SMYD4: variants seen among roughly 807,000 people sequenced by gnomAD.
SMYD4 encodes the protein protein-lysine N-methyltransferase SMYD4.
SMYD4 carries 68 observed loss-of-function variants against 72.8 expected under a neutral mutation model. The ratio of observed to expected loss-of-function variants is 0.93; its 90% CI spans 0.77 to 1.14. The LOEUF is 1.14. Among genes scored for constraint, SMYD4 ranks in the 50% most tolerant of loss-of-function variants. The probability of loss-of-function intolerance (pLI) is 0.00; values close to 1 mark genes in which losing one functional copy is unlikely to be tolerated. For synonymous variants in SMYD4, 407 were observed against 388.6 expected (o/e 1.05, Z -0.56); for missense variants, 984 against 1,003.7 (o/e 0.98, Z 0.27).
Position 1,827,502 on chromosome 17 carries a change from G to T in SMYD4, c.134+359C>A, listed in dbSNP as rs141535455. Among the ~76,000 whole-genome samples, 294 of 152,288 alleles carry T rather than the reference G, an allele frequency of 1.9e-3. 1 individual carries two copies. In the Middle Eastern group the frequency reaches 0.02, roughly 11 times the overall value. ...TTGTAAATGTACAAAGAGTGAAGAT[G>T]GCCCAGCTGAGGCTCAGGGAGAGCT... is the stretch of plus-strand genomic sequence containing the variant. On this transcript the variant is annotated intron_variant, in intron 2 of 10. Transcript: ENST00000305513.
At chr17:1,824,696 T>A (rs540652254) in intron 2 of SMYD4, among the ~76,000 whole-genome samples, 1 of 152,176 alleles carries the variant, frequency 6.6e-6, no homozygotes, top group Admixed American at 6.6e-5. Flanking sequence ...CTCAGCGCAC[T>A]GCACCCTCCG....
chr17:1,782,963 G>A (rs1329462422), intron 10 of SMYD4, 72 bp downstream of exon 10: 2 of 1,549,852 alleles, frequency 1.3e-6, no homozygotes, highest in Admixed American at 4.4e-5. Flanking sequence ...AAACACCATA[G>A]AAAAAAAGTA....
chr17:1,794,857 G>A (rs536650892), intron 5 of SMYD4, among the ~76,000 whole-genome samples: 1 of 152,078 alleles, frequency 6.6e-6, no homozygotes, highest in Admixed American at 6.6e-5. Context: ...GGTTAATGCA[G>A]GAAACTCAAA....
chr17:1,800,100 T>C lies in SMYD4; in HGVS notation c.1294A>G (p.Thr432Ala). Reference sequence around the variant, plus strand: ...TTGTGCTCTGGGCTATGGTTTTCAGTGTGGGGCAAAAGGTTGAAGACAGCA... The same window carrying C: ...TTGTGCTCTGGGCTATGGTTTTCAGCGTGGGGCAAAAGGTTGAAGACAGCA... ...YNAVFNLLPH[T>A]ENHSPEHKFL... Residue 432 changes from threonine (T) to alanine (A), a missense_variant, in exon 5 of 11, where the codon ACT becomes GCT. Transcript: ENST00000305513. 1.2e-6 allele frequency: 2 copies of C among 1,611,238 alleles called. No homozygotes were observed. Among genetic ancestry groups the C allele is most frequent in the Non-Finnish European group, 1.7e-6 (2 of 1,178,050 alleles).
chr17:1,783,100 G>A lies in SMYD4; in HGVS notation c.2196C>T (p.Arg732=), dbSNP rs376113356. 26 of 1,614,072 alleles carry A rather than the reference G, an allele frequency of 1.6e-5. No homozygotes were observed. Among genetic ancestry groups the A allele is most frequent in the Non-Finnish European group, 2.1e-5 (25 of 1,180,044 alleles). ...LQRSLYVVEV[R]HGPSSVEMGH... ...CCATTTCAACACTGGACGGCCCGTG[G>A]CGAACCTCCACCACGTAGAGACTCC... is the stretch of plus-strand genomic sequence containing the variant. The change falls in exon 10 of 11, where the codon CGC becomes CGT. Residue 732 remains arginine (R), a synonymous_variant. Transcript: ENST00000305513.
chr17:1,798,770 C>T (rs1909540497), intron 5 of SMYD4, among the ~76,000 whole-genome samples: 3 of 152,002 alleles, frequency 2.0e-5, no homozygotes. Context: ...CATGGTGGCG[C>T]ATGCTTGTAA....
In SMYD4 at chr17:1,811,986, T is replaced by C. The variant is rs1457042801; in HGVS notation, c.264A>G (p.Ala88=). 1.2e-6 allele frequency: 2 copies of C among 1,614,144 alleles called. No homozygotes were observed. Among genetic ancestry groups the C allele is most frequent in the Non-Finnish European group, 8.5e-7 (1 of 1,180,028 alleles). ...AGTGTTTTACCTTAGAGTACAGCACTGCAGCTCCTGTGTAATCTTTCTCCT... is the reference window on the plus strand; with the variant it reads ...AGTGTTTTACCTTAGAGTACAGCACCGCAGCTCCTGTGTAATCTTTCTCCT... ...KFQEKDYTGA[A]VLYSKGVSHS... Residue 88 remains alanine (A), a synonymous_variant, in exon 3 of 11, where the codon GCA becomes GCG. Coordinates refer to ENST00000305513, the MANE Select transcript of SMYD4 (RefSeq NM_052928.3).
chr17:1,818,106 C>G (rs1910720607), intron 2 of SMYD4, among the ~76,000 whole-genome samples: 1 of 150,954 alleles, frequency 6.6e-6, no homozygotes, highest in South Asian at 2.1e-4. Context: ...GTCTCTGATC[C>G]ATTTTGAATT....
At position 1,783,437 on chromosome 17, in the gene SMYD4, G is replaced by C; in HGVS notation, c.2060C>G (p.Ala687Gly). The change falls in exon 9 of 11, where the codon GCC becomes GGC. Residue 687 changes from alanine to glycine, a missense_variant. Ala to Gly is a moderately conservative substitution (Grantham distance 60). Transcript: ENST00000305513. ...GTGCTCTGCCCACAGGAAGCTCTCG[G>C]CGTCACGCTGGCACCCCGACAGCCG... ...VQRLSGCQRD[A>G]ESFLWAEHAV... is the part of the protein sequence containing the mutation. The C allele has an allele frequency of 6.2e-7, 1 of 1,612,314 alleles. No individual in the cohort carries two copies. The highest frequency in any genetic ancestry group is 8.5e-7 in the Non-Finnish European group (1 of 1,179,778).
In SMYD4 at chr17:1,787,479, C is replaced by G. The variant is rs373592874; in HGVS notation, c.1663G>C (p.Ala555Pro). ...ATCCGCTGTGACGCCCGGATGGTGG[C>G]GACAGTGCTAATGAAGGACACGCTG... Reference protein sequence around the residue: ...NTSVSFISTVATIRASQRIRK... With the variant: ...NTSVSFISTVPTIRASQRIRK... The change falls in exon 6 of 11, where the codon GCC (alanine) becomes CCC (proline). Residue 555 changes from alanine (A) to proline (P), a missense_variant. Ala to Pro is a conservative substitution (Grantham distance 27). Coordinates refer to ENST00000305513, the MANE Select transcript of SMYD4 (RefSeq NM_052928.3). 1 of 1,569,694 alleles carries G rather than the reference C, an allele frequency of 6.4e-7. No individual in the cohort carries two copies. The highest frequency in any genetic ancestry group is 8.6e-7 in the Non-Finnish European group (1 of 1,157,316).
intron 2 of SMYD4, among the ~76,000 whole-genome samples, chr17:1,816,707 G>A (rs1175249426): frequency 1.3e-5 from 2 of 151,460 alleles, no homozygotes; most frequent in African/African-American, 4.8e-5. Context: ...CTCTAACCTG[G>A]GCAACAGGCA....
chr17:1,817,048 C>CTT (rs34482955), intron 2 of SMYD4, among the ~76,000 whole-genome samples: 2 of 138,390 alleles, frequency 1.4e-5, no homozygotes, highest in African/African-American at 5.3e-5. Context: ...TGCACAAAAC[C>CTT]TTTTTTTTTT....
At chr17:1,801,731 C>A (rs1909770087) in intron 4 of SMYD4, among the ~76,000 whole-genome samples, 1 of 149,912 alleles carries the variant, frequency 6.7e-6, no homozygotes, top group Non-Finnish European at 1.5e-5. Flanking sequence ...AACCCCAGCA[C>A]TTTAGGAGGC....
Position 1,786,874 on chromosome 17 carries a change from T to C in SMYD4, c.1820A>G (p.His607Arg). The C allele has an allele frequency of 1.9e-6, 3 of 1,614,226 alleles. No individual in the cohort carries two copies. Among genetic ancestry groups the C allele is most frequent in the African/African-American group, 1.3e-5 (1 of 75,064 alleles). ...CCACCTGGGCCCTGCAGCCATCCTGTGTGCCTCAGTTTGACAAGCTGGACA... is the reference window on the plus strand; with the variant it reads ...CCACCTGGGCCCTGCAGCCATCCTGCGTGCCTCAGTTTGACAAGCTGGACA... ...CACPACQTEAHRMAAGPRWEA... is the reference protein window; with the variant it reads ...CACPACQTEARRMAAGPRWEA... The change falls in exon 7 of 11, where the codon CAC becomes CGC. Residue 607 changes from histidine to arginine, a missense_variant. Transcript: ENST00000305513.
chr17:1,792,779 G>A (rs1477800129), intron 5 of SMYD4, among the ~76,000 whole-genome samples: 5 of 152,106 alleles, frequency 3.3e-5, no homozygotes, highest in Non-Finnish European at 5.9e-5. Context: ...GCTTGCTCAC[G>A]TGTGCTTTCA....
At position 1,800,699 on chromosome 17, in the gene SMYD4, G is replaced by T; in HGVS notation, c.695C>A (p.Ser232Ter). The T allele has an allele frequency of 6.2e-7, 1 of 1,614,218 alleles. No individual in the cohort carries two copies. Among genetic ancestry groups the T allele is most frequent in the Non-Finnish European group, 8.5e-7 (1 of 1,180,042 alleles). ...ATCTACGCATAAGCCGATGGATGAT[G>T]AGGCATTGGAAAGTTGTTCATTCTC... The part of the protein sequence containing the change: ...REENEQLSNA[S>*]SSIGLCVDPL... The change falls in exon 5 of 11, where the codon TCA becomes TAA. Residue 232 changes from serine (S) to a stop codon, truncating the protein, a stop_gained. Coordinates refer to ENST00000305513, the MANE Select transcript of SMYD4 (RefSeq NM_052928.3). LOFTEE classifies it high-confidence loss of function.
intron 3 of SMYD4, among the ~76,000 whole-genome samples, chr17:1,809,526 C>T (rs1306016818): frequency 1.3e-5 from 2 of 151,264 alleles, no homozygotes; most frequent in Non-Finnish European, 1.5e-5. Flanking sequence ...AGGCGCCCGC[C>T]ACCACGCCCA....
Position 1,786,817 on chromosome 17 carries a change from G to T in SMYD4, c.1877C>A (p.Pro626His), listed in dbSNP as rs1275844721. ...GACAGAAGAGAGAATTACCTGCATGGGCGCTCCGCAACTGTTGCAACAGAA... is the reference window on the plus strand; with the variant it reads ...GACAGAAGAGAGAATTACCTGCATGTGCGCTCCGCAACTGTTGCAACAGAA... ...EAFCCNSCGA[P>H]MQGDDVLRCG... The change falls in exon 7 of 11, where the codon CCC becomes CAC. Residue 626 changes from proline (P) to histidine (H), a missense_variant. Coordinates refer to ENST00000305513, the MANE Select transcript of SMYD4 (RefSeq NM_052928.3). 8 of 1,614,148 alleles carry T rather than the reference G, an allele frequency of 5.0e-6. No individual in the cohort carries two copies. The South Asian group carries it at 7.7e-5, about 16-fold the overall frequency.
intron 5 of SMYD4, among the ~76,000 whole-genome samples, chr17:1,789,624 G>A (rs1270156730): frequency 2.6e-5 from 4 of 151,838 alleles, no homozygotes; most frequent in Non-Finnish European, 5.9e-5. Flanking sequence ...ACTTAGCTGA[G>A]CGTGGTGGCG....
Sources: allele counts gnomAD v4.1 joint callset (sites outside exome capture counted in the v4.1 genomes callset), GRCh38; gene constraint gnomAD v4.1.1; transcripts MANE v1.5; gene names NCBI Gene and HGNC (gene_info 2026-07-23, HGNC 2026-07-21).